The following CLVS1 variants were observed in gnomAD, a reference collection of about 807,000 sequenced individuals.
CLVS1 encodes clavesin 1.
In CLVS1, 10 loss-of-function variants were observed where a neutral mutation model predicts 33.1. That is an observed-to-expected ratio of 0.30 (90% confidence interval 0.19 to 0.51). The LOEUF is 0.51. Among genes scored for constraint, CLVS1 ranks in the 20% least tolerant of loss-of-function variants. CLVS1 has a pLI of 0.97. For missense variants in CLVS1, 343 were observed against 433.4 expected, an observed-to-expected ratio of 0.79 and a Z score of 1.85; for synonymous variants, 163 against 166.1, an observed-to-expected ratio of 0.98 and a Z score of 0.14.
chr8:61,345,802 G>A (rs913811004), intron 2 of CLVS1, among the ~76,000 whole-genome samples: 3 of 152,030 alleles, frequency 2.0e-5, no homozygotes, highest in African/African-American at 4.8e-5. Flanking sequence ...ATTCCTACCT[G>A]GAGAGGGCTG....
intron 2 of CLVS1, among the ~76,000 whole-genome samples, chr8:61,270,040 C>T (rs1419165669): frequency 3.3e-5 from 5 of 152,048 alleles, no homozygotes; most frequent in South Asian, 2.1e-4. Flanking sequence ...GCCAGAACTT[C>T]CAACACTATG....
At chr8:61,294,541 A>T (rs955929665) in intron 1 of CLVS1, among the ~76,000 whole-genome samples, 3 of 152,172 alleles carry the variant, frequency 2.0e-5, no homozygotes, top group East Asian at 3.9e-4. Context: ...TTTCACAAGC[A>T]GTTTTACCAA....
chr8:61,181,273 A>G (rs919799412), intron 2 of CLVS1, among the ~76,000 whole-genome samples: 4 of 152,236 alleles, frequency 2.6e-5, no homozygotes, highest in African/African-American at 9.6e-5. Flanking sequence ...AATACAGCTA[A>G]CAAGGGACAT....
At chr8:61,438,680 G>T (rs187112367) in intron 3 of CLVS1, among the ~76,000 whole-genome samples, 1 of 152,062 alleles carries the variant, frequency 6.6e-6, no homozygotes. Context: ...CTACAACCTC[G>T]CCAGCATCTG....
chr8:61,280,024 C>T (rs1193846463), intron 2 of CLVS1, among the ~76,000 whole-genome samples: 1 of 151,994 alleles, frequency 6.6e-6, no homozygotes, highest in Non-Finnish European at 1.5e-5. Context: ...ATTTTCTGTA[C>T]ACATTGTTAT....
intron 2 of CLVS1, among the ~76,000 whole-genome samples, chr8:61,327,528 G>T (rs764784994): frequency 2.0e-5 from 3 of 151,980 alleles, no homozygotes; most frequent in Admixed American, 6.6e-5. Flanking sequence ...CATTTAGTTG[G>T]CCCTCAATAT....
chr8:61,345,193 G>T (rs1243746725), intron 2 of CLVS1, among the ~76,000 whole-genome samples: 2 of 152,192 alleles, frequency 1.3e-5, no homozygotes, highest in African/African-American at 2.4e-5. Flanking sequence ...GAGCCAAGAT[G>T]AGGCAAGTTC....
At chr8:61,331,051 C>T (rs1351859508) in intron 2 of CLVS1, among the ~76,000 whole-genome samples, 1 of 152,104 alleles carries the variant, frequency 6.6e-6, no homozygotes, top group Non-Finnish European at 1.5e-5. Flanking sequence ...CACTGCACTC[C>T]AGCCAGGATC....
intron 3 of CLVS1, 43 bp downstream of exon 3, chr8:61,376,822 A>T (rs374666607): frequency 1.3e-6 from 2 of 1,504,012 alleles, no homozygotes; most frequent in Non-Finnish European, 1.8e-6. Context: ...GTGTGGCAAC[A>T]TACTTTTTAA....
intron 3 of CLVS1, among the ~76,000 whole-genome samples, chr8:61,410,341 C>T (rs1001217070): frequency 6.6e-5 from 10 of 152,122 alleles, no homozygotes; most frequent in African/African-American, 2.2e-4. Flanking sequence ...CCATCTCCAT[C>T]ATATGCCATA....
chr8:61,370,005 T>C (rs1431198817), intron 2 of CLVS1, among the ~76,000 whole-genome samples: 2 of 152,148 alleles, frequency 1.3e-5, no homozygotes, highest in East Asian at 1.9e-4. Flanking sequence ...TCAAATGAGA[T>C]GAAGAGAGGA....
At chr8:61,365,110 G>A (rs542543174) in intron 2 of CLVS1, among the ~76,000 whole-genome samples, 3 of 152,222 alleles carry the variant, frequency 2.0e-5, no homozygotes, top group African/African-American at 7.2e-5. Flanking sequence ...CTTTTAAAAA[G>A]CCTCATCATA....
At chr8:60,974,029 T>A in the CLVS1 span, among the ~76,000 whole-genome samples, 13 of 152,360 alleles carry the variant, frequency 8.5e-5, no homozygotes, top group East Asian at 2.5e-3. Flanking sequence ...TTGAGATGGT[T>A]TTGTCAGTGA....
At chr8:61,246,116 A>G (rs1235104988) in intron 2 of CLVS1, among the ~76,000 whole-genome samples, 1 of 149,320 alleles carries the variant, frequency 6.7e-6, no homozygotes, top group Non-Finnish European at 1.5e-5. Context: ...ATCTCTTCCA[A>G]GACGAGGCAG....
chr8:61,088,126 A>G (rs1330010896), intron 1 of CLVS1, among the ~76,000 whole-genome samples: 1 of 152,236 alleles, frequency 6.6e-6, no homozygotes, highest in African/African-American at 2.4e-5. Context: ...TGATTCATCC[A>G]TATTGAAGCA....
intron 1 of CLVS1, among the ~76,000 whole-genome samples, chr8:61,084,114 A>T (rs966160924): frequency 6.6e-6 from 1 of 152,270 alleles, no homozygotes; most frequent in Non-Finnish European, 1.5e-5. Context: ...TTGAGAATTC[A>T]ATACCAGACA....
chr8:61,306,521 A>G (rs1347516629), intron 2 of CLVS1, among the ~76,000 whole-genome samples: 1 of 152,108 alleles, frequency 6.6e-6, no homozygotes. Context: ...CTTTTGCTGT[A>G]TACCACATTG....
chr8:61,150,001 G>C (rs1171959973), intron 2 of CLVS1, among the ~76,000 whole-genome samples: 2 of 152,070 alleles, frequency 1.3e-5, no homozygotes, highest in Non-Finnish European at 2.9e-5. Flanking sequence ...ATGTGACTGT[G>C]CTCAGAATCT....
chr8:61,428,236 T>C (rs981135737), intron 3 of CLVS1, among the ~76,000 whole-genome samples: 3 of 152,196 alleles, frequency 2.0e-5, no homozygotes, highest in African/African-American at 7.2e-5. Context: ...TAAATTTGAA[T>C]GCATTTAGCT....
Sources: gnomAD v4.1 joint callset for allele counts (sites outside exome capture counted in the v4.1 genomes callset) on GRCh38, gnomAD v4.1.1 for gene constraint, MANE v1.5 for transcripts, NCBI Gene and HGNC (gene_info 2026-07-23, HGNC 2026-07-21) for gene names.